Variants in TEAD4 observed in about 807,000 individuals in gnomAD.
TEAD4 encodes the protein transcriptional enhancer factor TEF-3.
A neutral mutation model predicts 52.4 loss-of-function variants in TEAD4; 36 were observed. That is an observed-to-expected ratio of 0.69 (90% CI 0.53 to 0.91). TEAD4 has a LOEUF of 0.91. Ranked by LOEUF, TEAD4 falls within the 40% of genes least tolerant of loss-of-function variation. The pLI is 0.00. For synonymous variants in TEAD4, 220 were observed against 231.0 expected, an observed-to-expected ratio of 0.95 and a Z score of 0.43; for missense variants, 508 against 583.9, an observed-to-expected ratio of 0.87 and a Z score of 1.34.
Position 3,020,762 on chromosome 12 carries a change from G to T in TEAD4, c.712G>T (p.Asp238Tyr). 1 of 1,606,270 alleles carries T rather than the reference G, an allele frequency of 6.2e-7. No individual in the cohort carries two copies. Among genetic ancestry groups the T allele is most frequent in the Non-Finnish European group, 8.5e-7 (1 of 1,176,116 alleles). ...CTCTGCCTTCCTGGAGCAGCAGCAG[G>T]ACCCGGACACGGTAGGTCCTGGCCT... The change falls in exon 9 of 13, where the codon GAC (aspartate) becomes TAC (tyrosine). Residue 238 changes from aspartate (D) to tyrosine (Y), a missense_variant. Transcript: ENST00000359864.
At chr12:3,020,271 T>C (rs1170705948) in intron 8 of TEAD4, among the ~76,000 whole-genome samples, 1 of 152,204 alleles carries the variant, frequency 6.6e-6, no homozygotes, top group African/African-American at 2.4e-5. Flanking sequence ...CATCTGGTTA[T>C]TTCCCCGACT....
intron 4 of TEAD4, 117 bp downstream of exon 4, chr12:3,011,185 G>A (rs1458283287): frequency 4.1e-6 from 4 of 973,928 alleles, no homozygotes; most frequent in Non-Finnish European, 3.2e-6. Context: ...CGGCAGCTCT[G>A]GATGAGTTAT....
chr12:2,987,375 C>A (rs2098239353), intron 2 of TEAD4, among the ~76,000 whole-genome samples: 1 of 152,104 alleles, frequency 6.6e-6, no homozygotes, highest in Admixed American at 6.6e-5. Context: ...CAGACTCCTC[C>A]TGCTTCTTCC....
At chr12:2,976,665 T>G (rs2098229944) in intron 2 of TEAD4, among the ~76,000 whole-genome samples, 1 of 151,348 alleles carries the variant, frequency 6.6e-6, no homozygotes, top group African/African-American at 2.4e-5. Flanking sequence ...GCCGAAGGGG[T>G]TGGGGGTGGG....
intron 2 of TEAD4, among the ~76,000 whole-genome samples, chr12:2,978,104 C>G (rs1183826997): frequency 1.3e-5 from 2 of 152,138 alleles, no homozygotes; most frequent in Non-Finnish European, 2.9e-5. Context: ...GTAACCAGGC[C>G]CTTTCCTTTG....
At chr12:3,028,658 T>C (rs2153957989) in intron 10 of TEAD4, among the ~76,000 whole-genome samples, 1 of 151,992 alleles carries the variant, frequency 6.6e-6, no homozygotes, top group East Asian at 1.9e-4. Flanking sequence ...TTTGAGACAG[T>C]CTTTCTCTGT....
chr12:3,028,387 G>A lies in TEAD4; in HGVS notation c.897+6370G>A, dbSNP rs957633173. 2.6e-5 allele frequency among the ~76,000 whole-genome samples: 4 copies of A among 152,154 alleles called. No homozygotes were observed. In the South Asian group the frequency reaches 8.3e-4, roughly 32 times the overall value. ...TCTGAGGCACTCCCAAGAGTCTTCC[G>A]AAGTGGCTGCACCGTTTTCTGTTCC... On this transcript the variant is annotated intron_variant, in intron 10 of 12. Transcript: ENST00000359864.
chr12:2,960,823 C>G (rs144580106), intron 2 of TEAD4, among the ~76,000 whole-genome samples: 1 of 152,298 alleles, frequency 6.6e-6, no homozygotes, highest in East Asian at 1.9e-4. Flanking sequence ...TGTTCTTCCT[C>G]CCTACATAGC....
chr12:3,010,161 G>GC (rs1301001162), intron 3 of TEAD4, among the ~76,000 whole-genome samples: 8 of 152,244 alleles, frequency 5.3e-5, no homozygotes, highest in Non-Finnish European at 1.2e-4. Context: ...TGACCACCCA[G>GC]CCCGAACTGG....
rs541879524 is a variant in TEAD4, at chr12:2,961,894, C to T, written c.-30+1854C>T. On this transcript the variant is annotated intron_variant, in intron 2 of 12. Transcript: ENST00000359864. Reference sequence around the variant, plus strand: ...ACATGAATCGAGCATTTACTGTGAGCCAGGCCCTACGCTGTGTTCCGCGTC... The same window carrying T: ...ACATGAATCGAGCATTTACTGTGAGTCAGGCCCTACGCTGTGTTCCGCGTC... Among the ~76,000 whole-genome samples the T allele has an allele frequency of 9.9e-5, 15 of 152,126 alleles. No homozygotes were observed. The South Asian group carries it at 2.3e-3, about 23-fold the overall frequency.
chr12:2,989,234 G>A (rs1287261629), intron 2 of TEAD4, among the ~76,000 whole-genome samples: 1 of 151,886 alleles, frequency 6.6e-6, no homozygotes, highest in African/African-American at 2.4e-5. Flanking sequence ...GAGCCACCAT[G>A]CCCAGCCCTG....
intron 4 of TEAD4, 66 bp downstream of exon 4, chr12:3,011,134 G>A: frequency 3.2e-6 from 5 of 1,577,508 alleles, no homozygotes; most frequent in Non-Finnish European, 4.4e-6. Flanking sequence ...CTCCCAAGGT[G>A]GGCCAGGCCC....
Position 3,040,488 on chromosome 12 carries a change from G to A in TEAD4, c.*10G>A. 3.1e-6 allele frequency: 5 copies of A among 1,612,394 alleles called. No homozygotes were observed. Among genetic ancestry groups the A allele is most frequent in the Non-Finnish European group, 3.4e-6 (4 of 1,178,620 alleles). On this transcript the variant is annotated 3_prime_UTR_variant, in exon 13 of 13. Transcript: ENST00000359864. The stretch of plus-strand genomic sequence containing the variant: ...GCTGGTGAAAGAATGAGAGACTCGG[G>A]GAGCAGGGAGGGGGGAAGAGACGTG...
chr12:2,965,795 C>T (rs1046479720), intron 2 of TEAD4, among the ~76,000 whole-genome samples: 1 of 152,034 alleles, frequency 6.6e-6, no homozygotes, highest in Non-Finnish European at 1.5e-5. Context: ...CCACCCATCT[C>T]GGCCTCCCAA....
intron 2 of TEAD4, among the ~76,000 whole-genome samples, chr12:2,979,744 A>G (rs558508230): frequency 2.0e-5 from 3 of 152,214 alleles, no homozygotes; most frequent in African/African-American, 4.8e-5. Context: ...TAATCCATTC[A>G]GCAAGGCCCA....
intron 2 of TEAD4, among the ~76,000 whole-genome samples, chr12:2,986,653 A>T (rs1224169187): frequency 2.7e-5 from 4 of 150,852 alleles, no homozygotes; most frequent in South Asian, 2.1e-4. Context: ...AAATAAAAAA[A>T]AATAAATAAA....
Position 2,994,718 on chromosome 12 carries a change from T to A in TEAD4, c.-29-20T>A. The A allele has an allele frequency of 6.5e-7, 1 of 1,545,836 alleles. No individual in the cohort carries two copies. Among genetic ancestry groups the A allele is most frequent in the Non-Finnish European group, 8.7e-7 (1 of 1,147,126 alleles). On this transcript the variant is annotated intron_variant, in intron 2 of 12. Coordinates refer to ENST00000359864, the MANE Select transcript of TEAD4 (RefSeq NM_003213.4). The surrounding 1 kb of genome is among the most constrained non-coding windows in gnomAD (Gnocchi z 4.7). Reference sequence around the variant, plus strand: ...CAGTTCTTCCACTGCTCACCGGGGCTGTGGTTCCTGTCCCCACAGGTCCAA... The same window carrying A: ...CAGTTCTTCCACTGCTCACCGGGGCAGTGGTTCCTGTCCCCACAGGTCCAA...
chr12:3,016,482 G>A (rs10774095), intron 5 of TEAD4, among the ~76,000 whole-genome samples: 95,638 of 151,792 alleles, frequency 0.63, 35,708 homozygotes, highest in East Asian at 0.87. Flanking sequence ...ACGCATGCCC[G>A]TGGTCCCAGC....
chr12:2,993,175 C>T (rs2335328), intron 2 of TEAD4, among the ~76,000 whole-genome samples: 3 of 152,052 alleles, frequency 2.0e-5, no homozygotes, highest in Non-Finnish European at 4.4e-5. Context: ...GGTAGTGTTA[C>T]GTATATTCAC....
Sources: allele counts gnomAD v4.1 joint callset (sites outside exome capture counted in the v4.1 genomes callset), GRCh38; gene constraint gnomAD v4.1.1; non-coding constraint Gnocchi (gnomAD v3.1); transcripts MANE v1.5; gene names NCBI Gene and HGNC (gene_info 2026-07-23, HGNC 2026-07-21).